Variants in DELE1 observed in about 807,000 individuals in gnomAD.
DELE1 encodes the protein DAP3 binding cell death enhancer 1.
Under a neutral mutation model 59.3 loss-of-function variants are expected in DELE1, and 54 were observed. The observed-to-expected ratio is 0.91, with a 90% CI of 0.73 to 1.14. The LOEUF (loss-of-function observed/expected upper bound fraction) is 1.14, where lower values mean the gene tolerates loss of function less well. DELE1 is among the 50% of genes most tolerant of loss of function. The probability of loss-of-function intolerance (pLI) is 0.00; values close to 1 mark genes in which losing one functional copy is unlikely to be tolerated. For missense variants in DELE1, 636 were observed against 643.9 expected, an observed-to-expected ratio of 0.99 and a Z score of 0.13; for synonymous variants, 264 against 259.1, an observed-to-expected ratio of 1.02 and a Z score of -0.18.
intron 3 of DELE1, among the ~76,000 whole-genome samples, chr5:141,926,317 G>T (rs1751419005): frequency 6.6e-6 from 1 of 152,068 alleles, no homozygotes; most frequent in Non-Finnish European, 1.5e-5. Context: ...ACATGCGTAG[G>T]GTCTCATACC....
chr5:141,931,942 T>C (rs1378465234), intron 7 of DELE1, among the ~76,000 whole-genome samples: 1 of 152,244 alleles, frequency 6.6e-6, no homozygotes, highest in Non-Finnish European at 1.5e-5. Context: ...TAAGCCATAA[T>C]CATGTTTTGC....
chr5:141,936,788 G>T (rs1234933507), intron 10 of DELE1: 3 of 763,242 alleles, frequency 3.9e-6, no homozygotes, highest in Non-Finnish European at 4.8e-6. Context: ...CTCCCAGGCA[G>T]AGATTCAGGA....
At position 141,934,351 on chromosome 5, in the gene DELE1, A is replaced by C. The variant is rs1375568923; in HGVS notation, c.1009A>C (p.Arg337=). The C allele has an allele frequency of 6.2e-7, 1 of 1,614,240 alleles. No homozygotes were observed. Among genetic ancestry groups the C allele is most frequent in the Admixed American group, 1.7e-5 (1 of 60,034 alleles). ...PASSWNPERQ[R]AVSLLKQAAD... ...CTCTTCGTGGAACCCTGAGCGGCAGAGGGCAGTGTCCTTGCTGAAGCAGGC... is the reference window on the plus strand; with the variant it reads ...CTCTTCGTGGAACCCTGAGCGGCAGCGGGCAGTGTCCTTGCTGAAGCAGGC... Residue 337 remains arginine (R), a synonymous_variant, in exon 9 of 12, where the codon AGG becomes CGG. Transcript: ENST00000432126.
chr5:141,934,089 T>G, intron 8 of DELE1, 151 bp from the exon 9 acceptor site: 1 of 637,680 alleles, frequency 1.6e-6, no homozygotes, highest in Non-Finnish European at 2.4e-6. Flanking sequence ...TATTTTTGGT[T>G]TATATTTTTA....
Position 141,928,129 on chromosome 5 carries a change from C to T in DELE1, c.265-22C>T, listed in dbSNP as rs368807323. The T allele has an allele frequency of 6.2e-6, 10 of 1,608,954 alleles. No individual in the cohort carries two copies. In the African/African-American group the frequency reaches 9.3e-5, roughly 15 times the overall value. ...GAGTTGATTGGTGAAGGACCGTGTC[C>T]TTAACGTGCTGTCTTTCCCAGGGCA... On this transcript the variant is annotated intron_variant, in intron 3 of 11. Coordinates refer to ENST00000432126, the MANE Select transcript of DELE1 (RefSeq NM_014773.5).
chr5:141,933,463 G>A, intron 8 of DELE1, 62 bp downstream of exon 8: 2 of 1,295,808 alleles, frequency 1.5e-6, no homozygotes, highest in Non-Finnish European at 2.0e-6. Context: ...GTCTAGAAAT[G>A]AGCAGTGGGC....
At chr5:141,934,194 G>A in intron 8 of DELE1, 46 bp from the exon 9 acceptor site, 1 of 1,543,520 alleles carries the variant, frequency 6.5e-7, no homozygotes, top group Non-Finnish European at 8.8e-7. Flanking sequence ...TGCAAAAGAT[G>A]CTTACAGAGT....
At chr5:141,924,072 T>A in intron 1 of DELE1, 100 bp downstream of exon 1, 6 of 1,481,174 alleles carry the variant, frequency 4.1e-6, no homozygotes, top group Non-Finnish European at 5.5e-6. Context: ...GTGGGCCGGG[T>A]TAGAGCCAAG....
chr5:141,930,405 A>C, intron 7 of DELE1, 131 bp downstream of exon 7: 1 of 660,346 alleles, frequency 1.5e-6, no homozygotes, highest in Non-Finnish European at 2.6e-6. Flanking sequence ...GGTAGACCAA[A>C]TCTGGCATGG....
At chr5:141,928,386 CCATCAG>C in intron 4 of DELE1, 88 bp downstream of exon 4, 2 of 1,415,370 alleles carry the variant, frequency 1.4e-6, no homozygotes, top group Non-Finnish European at 1.9e-6. Context: ...AGGAAAAGAG[CCATCAG>C]CAGCTCCTTG....
chr5:141,938,998 T>C lies in DELE1; in HGVS notation c.*239T>C. On this transcript the variant is annotated 3_prime_UTR_variant, in exon 12 of 12. Coordinates refer to ENST00000432126, the MANE Select transcript of DELE1 (RefSeq NM_014773.5). The stretch of plus-strand genomic sequence containing the variant: ...TCTGGTCTGTGCACCAAAGGATGCA[T>C]TCAGTGACCTATGAAAAACCCTACT... 7.5e-7 allele frequency: 1 copy of C among 1,338,152 alleles called. No homozygotes were observed. Among genetic ancestry groups the C allele is most frequent in the South Asian group, 1.7e-5 (1 of 57,520 alleles). The allele number at this position is 1,338,152 out of a possible 1,614,324, so 82.9% of individuals were successfully genotyped here. A position where few individuals can be genotyped will look rare whatever the true frequency, so the allele number is the denominator to read the frequency against.
chr5:141,938,029 T>C (rs1752509445), intron 11 of DELE1, among the ~76,000 whole-genome samples: 1 of 151,830 alleles, frequency 6.6e-6, no homozygotes, highest in Admixed American at 6.6e-5. Context: ...TTTCACCATG[T>C]TGGCCAGGCT....
At position 141,924,611 on chromosome 5, in the gene DELE1, G is replaced by C. The variant is rs137872973; in HGVS notation, c.62G>C (p.Trp21Ser). ...CCCCGTACACTGGGACCTAGCCTCT[G>C]GAGGGTGACTCCTAAGTCCACCAGC... is the stretch of plus-strand genomic sequence containing the variant. ...ALPRTLGPSL[W>S]RVTPKSTSPD... Residue 21 changes from tryptophan to serine, a missense_variant, in exon 2 of 12, where the codon TGG becomes TCG. Coordinates refer to ENST00000432126, the MANE Select transcript of DELE1 (RefSeq NM_014773.5). 4 of 1,613,902 alleles carry C rather than the reference G, an allele frequency of 2.5e-6. No individual in the cohort carries two copies. The highest frequency in any genetic ancestry group is 3.4e-6 in the Non-Finnish European group (4 of 1,179,790).
At position 141,929,607 on chromosome 5, in the gene DELE1, C is replaced by G. The variant is rs752698543; in HGVS notation, c.438C>G (p.Ser146Arg). 1.2e-6 allele frequency: 2 copies of G among 1,614,024 alleles called. No homozygotes were observed. The highest frequency in any genetic ancestry group is 1.7e-6 in the Non-Finnish European group (2 of 1,180,012). The stretch of plus-strand genomic sequence containing the variant: ...CACTGCGACAACACATCCTCCCCAG[C>G]CCCGATGGCCCAGCTCCCAGGCACA... ...CSSLRQHILP[S>R]PDGPAPRHTG... The change falls in exon 5 of 12, where the codon AGC (serine) becomes AGG (arginine). Residue 146 changes from serine to arginine, a missense_variant. Coordinates refer to ENST00000432126, the MANE Select transcript of DELE1 (RefSeq NM_014773.5).
chr5:141,925,597 G>A (rs1445495732), intron 3 of DELE1, 70 bp downstream of exon 3: 8 of 877,436 alleles, frequency 9.1e-6, no homozygotes, highest in South Asian at 2.0e-5. Context: ...GTATACAGCC[G>A]AACCTGGAAC....
intron 7 of DELE1, 73 bp downstream of exon 7, chr5:141,930,347 T>A: frequency 9.1e-7 from 1 of 1,096,684 alleles, no homozygotes; most frequent in Non-Finnish European, 1.4e-6. Flanking sequence ...TCAGATATAG[T>A]CAAGATAGGG....
chr5:141,933,507 C>A, intron 8 of DELE1, 106 bp downstream of exon 8: 1 of 862,654 alleles, frequency 1.2e-6, no homozygotes, highest in Non-Finnish European at 1.6e-6. Flanking sequence ...CTTTTCTCCA[C>A]TTGGTTCTAG....
chr5:141,941,089 G>A lies in DELE1; in HGVS notation c.*2330G>A. ...TCCTGGGGCACCCTCTGCGTGAAAT[G>A]TCACCGTGTGCCCTCCCTGTGGAGC... On this transcript the variant is annotated 3_prime_UTR_variant, in exon 12 of 12. Coordinates refer to ENST00000432126, the MANE Select transcript of DELE1 (RefSeq NM_014773.5). 1 of 985,424 alleles carries A rather than the reference G, an allele frequency of 1.0e-6. No homozygotes were observed. Among genetic ancestry groups the A allele is most frequent in the Non-Finnish European group, 1.2e-6 (1 of 829,942 alleles). The allele number at this position is 985,424 out of a possible 1,614,324, so 61.0% of individuals were successfully genotyped here. A position where few individuals can be genotyped will look rare whatever the true frequency, so the allele number is the denominator to read the frequency against.
rs200841874 is a variant in DELE1, at chr5:141,933,325, G to A, written c.821G>A (p.Arg274His). ...TCTTACTTCCAGAAAGCTGCAGCCC[G>A]CGGCTACAGCAAAGCGCAGTACAAT... ...AFSYFQKAAA[R>H]GYSKAQYNAG... Residue 274 changes from arginine to histidine, a missense_variant, in exon 8 of 12, where the codon CGC becomes CAC. Coordinates refer to ENST00000432126, the MANE Select transcript of DELE1 (RefSeq NM_014773.5). 7.7e-5 allele frequency: 121 copies of A among 1,568,258 alleles called. No individual in the cohort carries two copies. The highest frequency in any genetic ancestry group is 9.3e-5 in the Non-Finnish European group (107 of 1,147,456).
Sources: gnomAD v4.1 joint callset for allele counts (sites outside exome capture counted in the v4.1 genomes callset) on GRCh38, gnomAD v4.1.1 for gene constraint, MANE v1.5 for transcripts, NCBI Gene and HGNC (gene_info 2026-07-23, HGNC 2026-07-21) for gene names.